CIMAP1D: variants seen among roughly 807,000 people sequenced by gnomAD.
The protein encoded by CIMAP1D is protein CIMAP1D.
the CIMAP1D span, among the ~76,000 whole-genome samples, chr19:486,586 G>A: frequency 4.0e-5 from 6 of 151,758 alleles, no homozygotes; most frequent in South Asian, 6.3e-4. Context: ...GATTACAGGC[G>A]CCCGTCACCA....
At chr19:465,107 G>GTGGATGGATGGA in the CIMAP1D span, among the ~76,000 whole-genome samples, 2,295 of 101,750 alleles carry the variant, frequency 0.023, 40 homozygotes, top group Non-Finnish European at 0.029. Context: ...GGGTGAGTGG[G>GTGGATGGATGGA]TGGATGGATG....
At chr19:481,034 T>TGGGAAGGATGATG in the CIMAP1D span, among the ~76,000 whole-genome samples, 1 of 126,758 alleles carries the variant, frequency 7.9e-6, no homozygotes, top group Non-Finnish European at 1.6e-5. Flanking sequence ...AGAAGGAATG[T>TGGGAAGGATGATG]GGGAAGGATG....
the CIMAP1D span, among the ~76,000 whole-genome samples, chr19:491,122 C>G: frequency 6.8e-6 from 1 of 148,060 alleles, no homozygotes; most frequent in East Asian, 2.0e-4. Context: ...TCTACAAATA[C>G]AAAACTTACC....
the CIMAP1D span, chr19:474,980 G>T: frequency 2.5e-6 from 1 of 406,996 alleles, no homozygotes; most frequent in Non-Finnish European, 4.3e-6. Context: ...GGCCGGGATC[G>T]AGTGTCGGCC....
the CIMAP1D span, among the ~76,000 whole-genome samples, chr19:487,754 A>G: frequency 2.0e-5 from 3 of 152,072 alleles, no homozygotes; most frequent in Non-Finnish European, 4.4e-5. Flanking sequence ...AAACTCTATT[A>G]AGGGAGGAGA....
chr19:478,418 G>A, the CIMAP1D span, among the ~76,000 whole-genome samples: 4 of 97,354 alleles, frequency 4.1e-5, no homozygotes, highest in Non-Finnish European at 6.4e-5. Context: ...GGAACCAAAA[G>A]CTAACACAGG....
chr19:479,668 G>A, the CIMAP1D span, among the ~76,000 whole-genome samples: 1 of 151,860 alleles, frequency 6.6e-6, no homozygotes, highest in Non-Finnish European at 1.5e-5. Flanking sequence ...CTCCCAAAGT[G>A]CTGGGATTAC....
At chr19:471,740 C>CT in the CIMAP1D span, among the ~76,000 whole-genome samples, 23 of 140,502 alleles carry the variant, frequency 1.6e-4, no homozygotes, top group East Asian at 2.1e-4. Context: ...CTATTGTTAA[C>CT]TTTTTTTTTT....
chr19:470,258 G>C, the CIMAP1D span, among the ~76,000 whole-genome samples: 1 of 149,354 alleles, frequency 6.7e-6, no homozygotes, highest in Non-Finnish European at 1.5e-5. Context: ...CCAGGCTGGA[G>C]TGCAGTGGCA....
At chr19:478,245 G>A in the CIMAP1D span, among the ~76,000 whole-genome samples, 1,081 of 150,328 alleles carry the variant, frequency 7.2e-3, 7 homozygotes, top group Non-Finnish European at 0.01. Flanking sequence ...AAGAGACAGA[G>A]GGGACAAGGG....
chr19:464,129 C>CG, the CIMAP1D span: 69 of 881,248 alleles, frequency 7.8e-5, no homozygotes, highest in Admixed American at 4.1e-3. Flanking sequence ...CAGGATCCTG[C>CG]GGGGGGCGGG....
At chr19:488,700 C>G in the CIMAP1D span, among the ~76,000 whole-genome samples, 1 of 152,244 alleles carries the variant, frequency 6.6e-6, no homozygotes, top group East Asian at 1.9e-4. Flanking sequence ...CCTGGATCCC[C>G]GACCGGGCCC....
the CIMAP1D span, among the ~76,000 whole-genome samples, chr19:483,710 C>T: frequency 2.5e-4 from 38 of 152,348 alleles, no homozygotes; most frequent in African/African-American, 7.9e-4. Context: ...GAAGACCCTG[C>T]AGCAGAGAGC....
At chr19:463,503 G>T in the CIMAP1D span, 12 of 379,448 alleles carry the variant, frequency 3.2e-5, no homozygotes, top group Non-Finnish European at 5.7e-5. Context: ...CCCTAGTGGA[G>T]CTGGACGCCG....
the CIMAP1D span, among the ~76,000 whole-genome samples, chr19:466,836 A>G: frequency 1.7e-4 from 1 of 5,996 alleles, no homozygotes; most frequent in African/African-American, 6.8e-4. Flanking sequence ...GGATAGATGG[A>G]TGGGTGGGTG....
chr19:465,667 AGATG>A, the CIMAP1D span, among the ~76,000 whole-genome samples: 1 of 70,776 alleles, frequency 1.4e-5, no homozygotes, highest in African/African-American at 5.7e-5. Flanking sequence ...GTGGGTGGGT[AGATG>A]GATGGGCAGA....
the CIMAP1D span, among the ~76,000 whole-genome samples, chr19:490,929 T>C: frequency 6.6e-6 from 1 of 152,162 alleles, no homozygotes; most frequent in Admixed American, 6.5e-5. Context: ...TGAAACCCTG[T>C]CTCTACTAAA....
chr19:474,935 G>T, the CIMAP1D span: 1 of 463,936 alleles, frequency 2.2e-6, no homozygotes, highest in Non-Finnish European at 3.6e-6. Context: ...CTGGCCCAAG[G>T]CAGGCTGGTC....
At chr19:484,735 C>T in the CIMAP1D span, among the ~76,000 whole-genome samples, 12 of 152,098 alleles carry the variant, frequency 7.9e-5, no homozygotes, top group South Asian at 2.1e-4. Flanking sequence ...GGGTGGCTGC[C>T]GCAGGGTGAG....
Sources: gnomAD v4.1 joint callset for allele counts (sites outside exome capture counted in the v4.1 genomes callset) on GRCh38, gnomAD v4.1.1 for gene constraint, MANE v1.5 for transcripts, NCBI Gene and HGNC (gene_info 2026-07-23, HGNC 2026-07-21) for gene names.